The following PLCB1 variants were observed in gnomAD, a reference collection of about 807,000 sequenced individuals.
PLCB1 encodes the protein 1-phosphatidylinositol 4,5-bisphosphate phosphodiesterase beta-1.
PLCB1 carries 46 observed loss-of-function variants against 161.8 expected under a neutral mutation model. The observed-to-expected ratio is 0.28, with a 90% CI of 0.22 to 0.36. PLCB1 has a LOEUF of 0.36. Ranked by LOEUF, PLCB1 falls within the 10% of genes least tolerant of loss-of-function variation. The pLI, the probability that PLCB1 is intolerant of heterozygous loss-of-function variation, is 1.00. For synonymous variants in PLCB1, 517 were observed against 503.7 expected (o/e 1.03, Z -0.35); for missense variants, 1,016 against 1,472.5 (o/e 0.69, Z 5.07).
intron 3 of PLCB1, among the ~76,000 whole-genome samples, chr20:8,522,880 G>T (rs1335841671): frequency 2.0e-5 from 3 of 146,910 alleles, no homozygotes; most frequent in Non-Finnish European, 3.0e-5. Flanking sequence ...AGGCAAGAAA[G>T]TTGGTGGGGT....
intron 9 of PLCB1, among the ~76,000 whole-genome samples, chr20:8,674,244 A>G (rs770131814): frequency 9.2e-5 from 14 of 152,366 alleles, no homozygotes; most frequent in Admixed American, 4.6e-4. Context: ...TAAACAGCAT[A>G]TGAGACAGGA....
intron 2 of PLCB1, among the ~76,000 whole-genome samples, chr20:8,160,240 C>T (rs1250398676): frequency 6.6e-6 from 1 of 152,160 alleles, no homozygotes; most frequent in Non-Finnish European, 1.5e-5. Flanking sequence ...TTCAACAAGT[C>T]TCTAGGAAGT....
chr20:8,797,075 A>G (rs1029745182), intron 31 of PLCB1, among the ~76,000 whole-genome samples: 1 of 152,148 alleles, frequency 6.6e-6, no homozygotes, highest in African/African-American at 2.4e-5. Context: ...CCATTCTGGA[A>G]TGATATTTTC....
chr20:8,376,175 G>A (rs1026500311), intron 3 of PLCB1, among the ~76,000 whole-genome samples: 73 of 152,290 alleles, frequency 4.8e-4, no homozygotes, highest in African/African-American at 1.7e-3. Context: ...ACGCAGCAAT[G>A]TCATTGAAAA....
chr20:8,605,418 T>C (rs1459204489), intron 3 of PLCB1, among the ~76,000 whole-genome samples: 1 of 152,090 alleles, frequency 6.6e-6, no homozygotes, highest in East Asian at 1.9e-4. Flanking sequence ...ACACACTTAA[T>C]ACTTCATTTT....
At chr20:8,810,904 C>T (rs1008263971) in intron 31 of PLCB1, among the ~76,000 whole-genome samples, 1 of 152,112 alleles carries the variant, frequency 6.6e-6, no homozygotes, top group African/African-American at 2.4e-5. Flanking sequence ...AGGTCAAGGC[C>T]GCAGTGAGCC....
intron 3 of PLCB1, among the ~76,000 whole-genome samples, chr20:8,513,055 G>T (rs1983959229): frequency 6.6e-6 from 1 of 152,002 alleles, no homozygotes; most frequent in Non-Finnish European, 1.5e-5. Flanking sequence ...TTGTCCTTCT[G>T]TGCCTGGCTT....
chr20:8,736,262 A>G (rs1342006637), intron 19 of PLCB1, among the ~76,000 whole-genome samples: 2 of 152,256 alleles, frequency 1.3e-5, no homozygotes, highest in African/African-American at 2.4e-5. Context: ...GAAAATTTGC[A>G]TAGAAACAGA....
intron 3 of PLCB1, among the ~76,000 whole-genome samples, chr20:8,398,979 C>G (rs1362423275): frequency 2.0e-5 from 3 of 151,020 alleles, no homozygotes; most frequent in African/African-American, 7.3e-5. Context: ...TTATTTTTAT[C>G]TAGTCAATTT....
intron 10 of PLCB1, among the ~76,000 whole-genome samples, chr20:8,689,078 C>T (rs1990417572): frequency 1.1e-5 from 1 of 89,288 alleles, no homozygotes; most frequent in African/African-American, 5.1e-5. Context: ...TAGGTATATT[C>T]CTCAGTATTT....
intron 2 of PLCB1, among the ~76,000 whole-genome samples, chr20:8,220,363 G>A (rs1211044228): frequency 6.6e-6 from 1 of 152,186 alleles, no homozygotes; most frequent in Non-Finnish European, 1.5e-5. Flanking sequence ...TAGGGGTTTA[G>A]TTGGTTGAAT....
At chr20:8,190,185 A>G (rs1204400673) in intron 2 of PLCB1, among the ~76,000 whole-genome samples, 2 of 152,066 alleles carry the variant, frequency 1.3e-5, no homozygotes, top group Non-Finnish European at 2.9e-5. Flanking sequence ...CTGCAGAAGT[A>G]TGCTCTGCAT....
At chr20:8,553,221 G>C (rs1263447825) in intron 3 of PLCB1, among the ~76,000 whole-genome samples, 1 of 152,182 alleles carries the variant, frequency 6.6e-6, no homozygotes, top group Non-Finnish European at 1.5e-5. Flanking sequence ...GCACACTCTT[G>C]CAAGTGTGAA....
intron 2 of PLCB1, among the ~76,000 whole-genome samples, chr20:8,300,543 T>TTTTA (rs1555796433): frequency 1.3e-5 from 2 of 152,124 alleles, no homozygotes; most frequent in African/African-American, 4.8e-5. Flanking sequence ...AAGTGGTTTT[T>TTTTA]TTTTATTATT....
intron 3 of PLCB1, among the ~76,000 whole-genome samples, chr20:8,551,324 G>A (rs566727629): frequency 6.6e-6 from 1 of 152,196 alleles, no homozygotes; most frequent in Non-Finnish European, 1.5e-5. Context: ...CATAGCCTCA[G>A]ACTTTTATTC....
intron 3 of PLCB1, among the ~76,000 whole-genome samples, chr20:8,463,187 G>A (rs568482316): frequency 3.3e-5 from 5 of 150,654 alleles, no homozygotes; most frequent in African/African-American, 9.8e-5. Flanking sequence ...GTGTGTCTGT[G>A]TATGTGTGTG....
chr20:8,408,359 A>T (rs535313796), intron 3 of PLCB1, among the ~76,000 whole-genome samples: 4 of 152,026 alleles, frequency 2.6e-5, no homozygotes, highest in Admixed American at 2.6e-4. Flanking sequence ...GCTGCAGTAC[A>T]TGAGGATCAC....
intron 26 of PLCB1, among the ~76,000 whole-genome samples, chr20:8,774,189 A>T (rs1368794202): frequency 1.3e-5 from 2 of 152,226 alleles, no homozygotes; most frequent in African/African-American, 4.8e-5. Context: ...CACTTGTCAC[A>T]TTTTAAAATA....
At chr20:8,779,939 G>A (rs1228859961) in intron 27 of PLCB1, among the ~76,000 whole-genome samples, 5 of 152,248 alleles carry the variant, frequency 3.3e-5, no homozygotes, top group African/African-American at 7.2e-5. Context: ...TGCTTTAGTC[G>A]GAAGTGAGTG....
Sources: allele counts gnomAD v4.1 joint callset (sites outside exome capture counted in the v4.1 genomes callset), GRCh38; gene constraint gnomAD v4.1.1; transcripts MANE v1.5; gene names NCBI Gene and HGNC (gene_info 2026-07-23, HGNC 2026-07-21).